The following NDUFAF6 variants were observed in gnomAD, a reference collection of about 807,000 sequenced individuals.
The protein encoded by NDUFAF6 is NADH dehydrogenase (ubiquinone) complex I, assembly factor 6.
In NDUFAF6, 45 loss-of-function variants were observed where a neutral mutation model predicts 40.8. The ratio of observed to expected loss-of-function variants is 1.10; its 90% CI spans 0.87 to 1.42. The LOEUF is 1.42. Ranked by LOEUF, NDUFAF6 falls within the 40% of genes most tolerant of loss-of-function variation. NDUFAF6 has a pLI of 0.00. For synonymous variants in NDUFAF6, 185 were observed against 155.9 expected (o/e 1.19, Z -1.39); for missense variants, 435 against 418.5 (o/e 1.04, Z -0.34).
At chr8:94,991,718 C>T (rs1269548934) in intron 2 of NDUFAF6, among the ~76,000 whole-genome samples, 4 of 151,668 alleles carry the variant, frequency 2.6e-5, no homozygotes, top group African/African-American at 4.8e-5. Context: ...CATATAACTG[C>T]TCTGTGCCTT....
intron 2 of NDUFAF6, among the ~76,000 whole-genome samples, chr8:94,992,857 C>T (rs1405391306): frequency 1.3e-5 from 2 of 152,086 alleles, no homozygotes; most frequent in Non-Finnish European, 2.9e-5. Context: ...TGTTGAATGC[C>T]GATGATGCAC....
upstream of NDUFAF6, among the ~76,000 whole-genome samples, chr8:95,022,912 G>A (rs1827749355): frequency 6.6e-6 from 1 of 152,108 alleles, no homozygotes; most frequent in Non-Finnish European, 1.5e-5. Flanking sequence ...CAGAGTAAGT[G>A]ATGAGAGAGA....
chr8:95,108,301 C>T (rs1809900398), downstream of NDUFAF6, among the ~76,000 whole-genome samples: 1 of 152,032 alleles, frequency 6.6e-6, no homozygotes, highest in Non-Finnish European at 1.5e-5. Flanking sequence ...TTGGAAACAA[C>T]CCAAATATCT....
intron 2 of NDUFAF6, among the ~76,000 whole-genome samples, chr8:95,011,492 A>G (rs1827225436): frequency 6.6e-6 from 1 of 152,148 alleles, no homozygotes; most frequent in African/African-American, 2.4e-5. Flanking sequence ...TTCTTATTCC[A>G]GAGGGAAATA....
At chr8:94,920,658 A>G (rs1481409884) in intron 1 of NDUFAF6, among the ~76,000 whole-genome samples, 1 of 152,104 alleles carries the variant, frequency 6.6e-6, no homozygotes, top group Non-Finnish European at 1.5e-5. Context: ...GTTGTTGCAG[A>G]ATGTCTGCCC....
downstream of NDUFAF6, among the ~76,000 whole-genome samples, chr8:95,116,642 T>G (rs941985102): frequency 3.3e-5 from 5 of 152,204 alleles, no homozygotes; most frequent in Non-Finnish European, 7.3e-5. Context: ...TGAGCCACTG[T>G]GCCCAGCCTA....
intron 4 of NDUFAF6, among the ~76,000 whole-genome samples, chr8:95,108,651 G>C (rs1809910501): frequency 6.6e-6 from 1 of 152,168 alleles, no homozygotes; most frequent in South Asian, 2.1e-4. Context: ...GTTGCACACA[G>C]TGTGAATGTA....
At chr8:94,931,609 C>CACATAT (rs146282014) in intron 1 of NDUFAF6, among the ~76,000 whole-genome samples, 1 of 151,562 alleles carries the variant, frequency 6.6e-6, no homozygotes, top group Non-Finnish European at 1.5e-5. Flanking sequence ...CACACACACA[C>CACATAT]ATAAAATTTT....
chr8:95,026,940 C>T (rs534111410), intron 1 of NDUFAF6, among the ~76,000 whole-genome samples: 249 of 148,442 alleles, frequency 1.7e-3, no homozygotes, highest in Middle Eastern at 7.4e-3. Context: ...CCAGCTACTG[C>T]GAGGCTGAGG....
intron 1 of NDUFAF6, among the ~76,000 whole-genome samples, chr8:94,939,272 A>G (rs1821287700): frequency 6.6e-6 from 1 of 152,244 alleles, no homozygotes; most frequent in Non-Finnish European, 1.5e-5. Context: ...AGTCAGAGTT[A>G]TGTTCTAAGA....
At chr8:94,909,715 A>T (rs1037171335) in intron 1 of NDUFAF6, among the ~76,000 whole-genome samples, 5 of 151,924 alleles carry the variant, frequency 3.3e-5, no homozygotes, top group Admixed American at 2.6e-4. Context: ...CACTTCGCCC[A>T]GGAGTTTGAG....
chr8:94,932,099 T>C (rs1253909606), intron 1 of NDUFAF6: 1 of 1,610,164 alleles, frequency 6.2e-7, no homozygotes, highest in East Asian at 2.2e-5. Context: ...TAAGCAGCTT[T>C]TCCTGGCCCT....
intron 2 of NDUFAF6, among the ~76,000 whole-genome samples, chr8:94,949,618 A>G (rs918554089): frequency 2.8e-4 from 42 of 151,600 alleles, no homozygotes; most frequent in African/African-American, 9.0e-4. Flanking sequence ...GAGAGGGGCT[A>G]GGCCGGGGAG....
intron 2 of NDUFAF6, among the ~76,000 whole-genome samples, chr8:94,981,218 G>A (rs1431361188): frequency 6.6e-6 from 1 of 152,186 alleles, no homozygotes; most frequent in Non-Finnish European, 1.5e-5. Context: ...CCATGAGAGT[G>A]GGTTGTTATA....
At chr8:94,935,128 T>TAG (rs1554630991) in intron 1 of NDUFAF6, among the ~76,000 whole-genome samples, 143 of 144,744 alleles carry the variant, frequency 9.9e-4, no homozygotes, top group East Asian at 3.8e-3. Flanking sequence ...GGTAGATAGA[T>TAG]ATAGATAGAT....
At chr8:94,932,219 A>T in intron 1 of NDUFAF6, 2 of 1,123,030 alleles carry the variant, frequency 1.8e-6, no homozygotes, top group Non-Finnish European at 2.6e-6. Context: ...ACTATGTGCC[A>T]TTAAAGGCAC....
At chr8:95,104,624 T>C (rs559674507), downstream of NDUFAF6, among the ~76,000 whole-genome samples, 7 of 152,340 alleles carry the variant, frequency 4.6e-5, no homozygotes, top group East Asian at 1.3e-3. Context: ...GCAAAGGCCA[T>C]TATAACTGCC....
At chr8:94,957,378 T>C (rs950174284), upstream of NDUFAF6, among the ~76,000 whole-genome samples, 3 of 152,096 alleles carry the variant, frequency 2.0e-5, no homozygotes, top group Non-Finnish European at 4.4e-5. Context: ...TAGGGAGAGA[T>C]TATGGACAGA....
chr8:95,048,696 G>A (rs1023903199), intron 7 of NDUFAF6, 138 bp downstream of exon 7: 11 of 725,052 alleles, frequency 1.5e-5, no homozygotes, highest in East Asian at 2.7e-5. Flanking sequence ...GATTTATCTC[G>A]GAGTCTGTTG....
Sources: allele counts gnomAD v4.1 joint callset (sites outside exome capture counted in the v4.1 genomes callset), GRCh38; gene constraint gnomAD v4.1.1; transcripts MANE v1.5; gene names NCBI Gene and HGNC (gene_info 2026-07-23, HGNC 2026-07-21).